Variants in NRL observed in about 807,000 individuals in gnomAD.
NRL encodes neural retina leucine zipper, also known as neural retina-specific leucine zipper protein.
NRL carries 16 observed loss-of-function variants against 12.5 expected under a neutral mutation model. The ratio of observed to expected loss-of-function variants is 1.28; its 90% CI spans 0.87 to 1.95. The LOEUF is 1.95. Among genes scored for constraint, NRL ranks in the 30% most tolerant of loss-of-function variants. The pLI is 0.00. For synonymous variants in NRL, 142 were observed against 150.9 expected, an observed-to-expected ratio of 0.94 and a Z score of 0.43; for missense variants, 314 against 325.8, an observed-to-expected ratio of 0.96 and a Z score of 0.28.
At chr14:24,091,292 C>T (rs920838348) in intron 1 of NRL, among the ~76,000 whole-genome samples, 2 of 151,986 alleles carry the variant, frequency 1.3e-5, no homozygotes, top group Non-Finnish European at 2.9e-5. Context: ...CTGGGACTAC[C>T]GGCGTGCGCC....
At chr14:24,114,661 A>C (rs1040045684) in intron 1 of NRL, 61 bp downstream of exon 1, 1 of 985,082 alleles carries the variant, frequency 1.0e-6, no homozygotes, top group East Asian at 1.1e-4. Context: ...AAGAGCTAAC[A>C]GCCCTCCTTG....
rs750578845 is a variant in NRL at position 24,081,500 on chromosome 14, C to T, written c.450G>A (p.Arg150=). 5 of 1,600,152 alleles carry T rather than the reference C, an allele frequency of 3.1e-6. No individual in the cohort carries two copies. The South Asian group carries it at 4.5e-5, about 14-fold the overall frequency. ...MSVRELNRQL[R]GCGRDEALRL... is the part of the protein sequence containing the mutation. ...GCAGCGCCTCGTCGCGCCCGCAGCC[C>T]CGCAGCTGCCGGTTTAGCTCCCGCA... The change falls in exon 3 of 3, where the codon CGG becomes CGA. Residue 150 remains arginine, a synonymous_variant. Transcript: ENST00000561028. This position sits in a 1 kb window ranked among gnomAD's most constrained non-coding sequence, Gnocchi z 4.4.
chr14:24,103,852 A>G, intron 1 of NRL: 1 of 1,614,146 alleles, frequency 6.2e-7, no homozygotes, highest in South Asian at 1.1e-5. Context: ...GACTTCTGGG[A>G]ACAGGAGGTT....
Position 24,094,427 on chromosome 14 carries a change from G to A in NRL, c.-27-11552C>T, listed in dbSNP as rs1303181968. The A allele has an allele frequency of 6.4e-7, 1 of 1,552,842 alleles. No homozygotes were observed. The highest frequency in any genetic ancestry group is 8.7e-7 in the Non-Finnish European group (1 of 1,154,844). On this transcript the variant is annotated intron_variant, in intron 1 of 2. Transcript: ENST00000561028. This position sits in a 1 kb window ranked among gnomAD's most constrained non-coding sequence, Gnocchi z 4.1. ...TGCCATGGCCGCATTGTACCGCCCTGGCCTGCGGTGAGTGACCCCCGGCCC... is the reference window on the plus strand; with the variant it reads ...TGCCATGGCCGCATTGTACCGCCCTAGCCTGCGGTGAGTGACCCCCGGCCC...
Position 24,094,591 on chromosome 14 carries a change from G to A in NRL, c.-27-11716C>T. 6.9e-7 allele frequency: 1 copy of A among 1,450,998 alleles called. No homozygotes were observed. The highest frequency in any genetic ancestry group is 2.5e-5 in the East Asian group (1 of 39,780). 89.9% of individuals were successfully genotyped at this position (1,450,998 alleles called of 1,614,324 possible). A position where few individuals can be genotyped will look rare whatever the true frequency, so the allele number is the denominator to read the frequency against. Reference sequence around the variant, plus strand: ...TGCTGTGGGTCCAGCCTCCCGCGCCGCGCGTCTCTTGGGAGGGCAGCCGGC... The same window carrying A: ...TGCTGTGGGTCCAGCCTCCCGCGCCACGCGTCTCTTGGGAGGGCAGCCGGC... On this transcript the variant is annotated intron_variant, in intron 1 of 2. Transcript: ENST00000561028. The surrounding 1 kb of genome is among the most constrained non-coding windows in gnomAD (Gnocchi z 4.1).
chr14:24,103,559 C>A, intron 1 of NRL: 1 of 1,570,826 alleles, frequency 6.4e-7, no homozygotes, highest in Non-Finnish European at 8.6e-7. Flanking sequence ...TTTTTGGCTA[C>A]AACTTCGGGC....
chr14:24,107,450 C>T (rs1167165725), intron 1 of NRL, among the ~76,000 whole-genome samples: 3 of 151,988 alleles, frequency 2.0e-5, no homozygotes, highest in Non-Finnish European at 4.4e-5. Flanking sequence ...TTGCAGACAC[C>T]AACCCAGCCC....
chr14:24,082,021 G>C, intron 2 of NRL: 1 of 1,201,720 alleles, frequency 8.3e-7, no homozygotes. Flanking sequence ...CCCCATCTGT[G>C]TCTGTAATTA....
At chr14:24,089,022 T>A (rs2036542819) in intron 1 of NRL, among the ~76,000 whole-genome samples, 1 of 151,698 alleles carries the variant, frequency 6.6e-6, no homozygotes, top group Admixed American at 6.6e-5. Context: ...GCCAAGATGG[T>A]CTCGATCTCC....
chr14:24,102,707 G>A (rs1386051189), intron 1 of NRL: 4 of 1,572,136 alleles, frequency 2.5e-6, no homozygotes. Context: ...TGTGTTGGGG[G>A]TCGACATGAC....
chr14:24,094,328 G>C lies in NRL; in HGVS notation c.-27-11453C>G. ...CCTCTGCTGTGGCTCGCTTCGCCGC[G>C]CTCCCTCCTTCCCCGCCTTCCATAC... On this transcript the variant is annotated intron_variant, in intron 1 of 2. Coordinates refer to ENST00000561028, the MANE Select transcript of NRL (RefSeq NM_001354768.3). This position sits in a 1 kb window ranked among gnomAD's most constrained non-coding sequence, Gnocchi z 4.1. The C allele has an allele frequency of 1.4e-6, 2 of 1,400,244 alleles. No individual in the cohort carries two copies. Among genetic ancestry groups the C allele is most frequent in the South Asian group, 1.2e-5 (1 of 80,784 alleles). The allele number at this position is 1,400,244 out of a possible 1,614,324, so 86.7% of individuals were successfully genotyped here.
Position 24,081,784 on chromosome 14 carries a change from C to T in NRL, c.382-216G>A, listed in dbSNP as rs764000176. The T allele has an allele frequency of 6.6e-7, 1 of 1,516,100 alleles. No individual in the cohort carries two copies. 93.9% of individuals were successfully genotyped at this position (1,516,100 alleles called of 1,614,324 possible). A position where few individuals can be genotyped will look rare whatever the true frequency, so the allele number is the denominator to read the frequency against. On this transcript the variant is annotated intron_variant, in intron 2 of 2. Coordinates refer to ENST00000561028, the MANE Select transcript of NRL (RefSeq NM_001354768.3). This position sits in a 1 kb window ranked among gnomAD's most constrained non-coding sequence, Gnocchi z 4.4. Reference sequence around the variant, plus strand: ...CCAGCTGACCGTTGCTCCAGTCAGGCGGGCGCCCCACGGTGCAGGGCCGGC... The same window carrying T: ...CCAGCTGACCGTTGCTCCAGTCAGGTGGGCGCCCCACGGTGCAGGGCCGGC...
At chr14:24,091,518 A>G (rs998747734) in intron 1 of NRL, among the ~76,000 whole-genome samples, 2 of 152,226 alleles carry the variant, frequency 1.3e-5, no homozygotes, top group African/African-American at 2.4e-5. Flanking sequence ...AGGACATAAG[A>G]TATCATGTGA....
intron 1 of NRL, among the ~76,000 whole-genome samples, chr14:24,096,026 G>A (rs2036861246): frequency 6.6e-6 from 1 of 152,168 alleles, no homozygotes; most frequent in Admixed American, 6.6e-5. Flanking sequence ...TGGAAAGACT[G>A]TGACCTTTGC....
chr14:24,105,631 C>G (rs1318142621), intron 1 of NRL, among the ~76,000 whole-genome samples: 2 of 152,210 alleles, frequency 1.3e-5, no homozygotes, highest in Non-Finnish European at 2.9e-5. Context: ...TAGAAGTCAC[C>G]TATTCCACCG....
At chr14:24,087,672 C>T (rs958639021) in intron 1 of NRL, among the ~76,000 whole-genome samples, 1 of 152,186 alleles carries the variant, frequency 6.6e-6, no homozygotes, top group African/African-American at 2.4e-5. Flanking sequence ...TATTAAACAC[C>T]TATTCTGCAC....
rs972839479 is a variant in NRL at position 24,081,039 on chromosome 14, C to G, written c.*197G>C. The G allele has an allele frequency of 3.4e-5, 14 of 410,038 alleles. No homozygotes were observed. Among genetic ancestry groups the G allele is most frequent in the Non-Finnish European group, 5.1e-5 (12 of 236,660 alleles). The allele number at this position is 410,038 out of a possible 1,614,324, so 25.4% of individuals were successfully genotyped here. A position where few individuals can be genotyped will look rare whatever the true frequency, so the allele number is the denominator to read the frequency against. ...TCTGTGTTCGTAAGGGGAGGGGACC[C>G]CTCTCCAGAAAATGACCAGCATCTA... On this transcript the variant is annotated 3_prime_UTR_variant, in exon 3 of 3. Coordinates refer to ENST00000561028, the MANE Select transcript of NRL (RefSeq NM_001354768.3). The surrounding 1 kb of genome is among the most constrained non-coding windows in gnomAD (Gnocchi z 4.4).
intron 1 of NRL, chr14:24,110,217 G>C (rs1433810741): frequency 1.0e-5 from 2 of 192,366 alleles, no homozygotes; most frequent in East Asian, 3.5e-4. Flanking sequence ...ACCAGACTCA[G>C]GTGATCCTTC....
chr14:24,109,792 C>G (rs61099306), intron 1 of NRL, among the ~76,000 whole-genome samples: 1,743 of 151,898 alleles, frequency 0.011, 31 homozygotes, highest in African/African-American at 0.04. Context: ...GTGAAGGACT[C>G]AATTTTGTCA....
Sources: gnomAD v4.1 joint callset for allele counts (sites outside exome capture counted in the v4.1 genomes callset) on GRCh38, gnomAD v4.1.1 for gene constraint, Gnocchi (gnomAD v3.1) non-coding constraint, MANE v1.5 for transcripts, NCBI Gene and HGNC (gene_info 2026-07-23, HGNC 2026-07-21) for gene names.